The following CELF2 variants were observed in gnomAD, a reference collection of about 807,000 sequenced individuals.
The protein encoded by CELF2 is CUG triplet repeat RNA-binding protein 2.
In CELF2, 8 loss-of-function variants were observed where a neutral mutation model predicts 62.6. That is an observed-to-expected ratio of 0.13 (90% confidence interval 0.07 to 0.23). CELF2 has a LOEUF of 0.23. Ranked by LOEUF, CELF2 falls within the 10% of genes least tolerant of loss-of-function variation. The pLI is 1.00. For synonymous variants in CELF2, 258 were observed against 250.0 expected (o/e 1.03, Z -0.30); for missense variants, 333 against 671.0 (o/e 0.50, Z 5.56).
At chr10:11,107,166 TGGC>T (rs774048360) in intron 1 of CELF2, among the ~76,000 whole-genome samples, 58 of 152,152 alleles carry the variant, frequency 3.8e-4, no homozygotes, top group Non-Finnish European at 7.1e-4. Context: ...AATAAGTGAT[TGGC>T]GGCAGAAGCA....
At chr10:11,140,705 G>A (rs576857908) in intron 1 of CELF2, among the ~76,000 whole-genome samples, 1 of 152,114 alleles carries the variant, frequency 6.6e-6, no homozygotes, top group East Asian at 1.9e-4. Flanking sequence ...TTAGGATAGT[G>A]CCAGTCACTT....
the CELF2 span, among the ~76,000 whole-genome samples, chr10:10,524,405 C>A: frequency 2.0e-5 from 3 of 149,400 alleles, no homozygotes; most frequent in South Asian, 6.5e-4. Context: ...ACAGTTAGGC[C>A]CTATCTAGTA....
rs1010329702 is a variant in CELF2, at chr10:11,126,988, C to G, written c.75-38498C>G. On this transcript the variant is annotated intron_variant, in intron 1 of 12. Coordinates refer to ENST00000633077, the MANE Select transcript of CELF2 (RefSeq NM_001326342.2). ...GGTATAGATGTGCCATGTTCGTTTG[C>G]TGCACCCATACACTCATCATCTATA... Among the ~76,000 whole-genome samples, 3 of 151,724 alleles carry G rather than the reference C, an allele frequency of 2.0e-5. No individual in the cohort carries two copies. The East Asian group carries it at 5.8e-4, about 29-fold the overall frequency.
At chr10:10,633,712 A>G in the CELF2 span, among the ~76,000 whole-genome samples, 2 of 131,160 alleles carry the variant, frequency 1.5e-5, no homozygotes, top group African/African-American at 5.6e-5. Flanking sequence ...TATGTCTGTT[A>G]TAGTATTTTA....
intron 1 of CELF2, among the ~76,000 whole-genome samples, chr10:11,078,972 CTT>C (rs1169594508): frequency 6.6e-6 from 1 of 152,156 alleles, no homozygotes; most frequent in African/African-American, 2.4e-5. Context: ...GATTAAATCA[CTT>C]GAGCAGCTCA....
intron 1 of CELF2, among the ~76,000 whole-genome samples, chr10:10,820,950 A>C (rs1437118579): frequency 6.6e-6 from 1 of 152,338 alleles, no homozygotes; most frequent in Middle Eastern, 3.4e-3. Flanking sequence ...GTTATTGTAG[A>C]TATCCCGGCC....
chr10:10,616,561 G>A, the CELF2 span, among the ~76,000 whole-genome samples: 1 of 151,646 alleles, frequency 6.6e-6, no homozygotes, highest in African/African-American at 2.4e-5. Flanking sequence ...ACTGCTGTGT[G>A]GGTCTTGGCA....
intron 3 of CELF2, among the ~76,000 whole-genome samples, chr10:11,218,657 A>G (rs566595704): frequency 2.2e-4 from 34 of 152,350 alleles, no homozygotes; most frequent in African/African-American, 7.2e-4. Context: ...TATGCGAGGA[A>G]ATCAAAGAAT....
the CELF2 span, among the ~76,000 whole-genome samples, chr10:10,574,451 G>A: frequency 2.8e-4 from 43 of 152,202 alleles, 1 homozygote; most frequent in South Asian, 8.5e-3. Context: ...AATGAGAAAC[G>A]TGTTATGATC....
chr10:10,553,334 A>G, the CELF2 span, among the ~76,000 whole-genome samples: 3 of 152,318 alleles, frequency 2.0e-5, 1 homozygote, highest in South Asian at 2.1e-4. Context: ...CTACAATTCC[A>G]GATGAGATCT....
the CELF2 span, among the ~76,000 whole-genome samples, chr10:10,787,162 A>G: frequency 6.6e-6 from 1 of 151,886 alleles, no homozygotes; most frequent in Non-Finnish European, 1.5e-5. Flanking sequence ...AAACATTGTC[A>G]ACCAGAAATC....
chr10:10,773,541 T>C, the CELF2 span, among the ~76,000 whole-genome samples: 2 of 152,202 alleles, frequency 1.3e-5, no homozygotes, highest in African/African-American at 4.8e-5. Context: ...TGGAAAAAAA[T>C]ATAAGACTGA....
chr10:11,321,611 A>C lies in CELF2; in HGVS notation c.1294+225A>C, dbSNP rs1307867343. On this transcript the variant is annotated intron_variant, in intron 11 of 12. Transcript: ENST00000633077. This position sits in a 1 kb window ranked among gnomAD's most constrained non-coding sequence, Gnocchi z 6.2. ...TGAGATGGGAGGATCGCTTGAGCCC[A>C]GGAGCTGAGGCTGCAGTGAGCCATG... Among the ~76,000 whole-genome samples, 1 of 151,996 alleles carries C rather than the reference A, an allele frequency of 6.6e-6. No individual in the cohort carries two copies. Among genetic ancestry groups the C allele is most frequent in the Non-Finnish European group, 1.5e-5 (1 of 68,016 alleles).
the CELF2 span, among the ~76,000 whole-genome samples, chr10:10,622,461 C>T: frequency 2.0e-5 from 3 of 148,418 alleles, no homozygotes; most frequent in African/African-American, 2.6e-5. Context: ...TACATACATA[C>T]GTATGTGTGT....
intron 1 of CELF2, among the ~76,000 whole-genome samples, chr10:11,154,046 G>C (rs1216029703): frequency 6.6e-6 from 1 of 152,176 alleles, no homozygotes; most frequent in East Asian, 1.9e-4. Flanking sequence ...ATGATCATCT[G>C]TATTCATTGT....
intron 1 of CELF2, among the ~76,000 whole-genome samples, chr10:11,163,959 G>A (rs2066338718): frequency 6.6e-6 from 1 of 152,188 alleles, no homozygotes; most frequent in Non-Finnish European, 1.5e-5. Flanking sequence ...CAAGTAAGTA[G>A]CTCTCTGTAA....
chr10:10,770,753 GA>G, the CELF2 span, among the ~76,000 whole-genome samples: 1 of 144,950 alleles, frequency 6.9e-6, no homozygotes, highest in Non-Finnish European at 1.5e-5. Flanking sequence ...TCATGATTTT[GA>G]AATCCTGCTA....
At chr10:10,746,476 A>G in the CELF2 span, among the ~76,000 whole-genome samples, 1 of 152,210 alleles carries the variant, frequency 6.6e-6, no homozygotes, top group Admixed American at 6.5e-5. Context: ...GCCATTTTAT[A>G]TAGAGTTTGA....
chr10:11,076,810 A>C (rs2072105495), intron 1 of CELF2, among the ~76,000 whole-genome samples: 1 of 152,212 alleles, frequency 6.6e-6, no homozygotes, highest in African/African-American at 2.4e-5. Flanking sequence ...TGAGCTCTGC[A>C]AATCAAGGCT....
Sources: allele counts gnomAD v4.1 joint callset (sites outside exome capture counted in the v4.1 genomes callset), GRCh38; gene constraint gnomAD v4.1.1; non-coding constraint Gnocchi (gnomAD v3.1); transcripts MANE v1.5; gene names NCBI Gene and HGNC (gene_info 2026-07-23, HGNC 2026-07-21).